The following SBF2 variants were observed in gnomAD, a reference collection of about 807,000 sequenced individuals.
The protein encoded by SBF2 is myotubularin-related protein 13.
Under a neutral mutation model 225.2 loss-of-function variants are expected in SBF2, and 112 were observed. The ratio of observed to expected loss-of-function variants is 0.50; its 90% CI spans 0.43 to 0.58. The LOEUF (loss-of-function observed/expected upper bound fraction) is 0.58. Among genes scored for constraint, SBF2 ranks in the 20% least tolerant of loss-of-function variants. The probability of loss-of-function intolerance (pLI) is 0.00; values close to 1 mark genes in which losing one functional copy is unlikely to be tolerated. For missense variants in SBF2, 1,996 were observed against 2,206.2 expected (o/e 0.90, Z 1.91); for synonymous variants, 763 against 773.3 (o/e 0.99, Z 0.22).
intron 28 of SBF2, 96 bp from the exon 29 acceptor site, chr11:9,817,120 G>C: frequency 7.5e-7 from 1 of 1,328,784 alleles, no homozygotes; most frequent in Middle Eastern, 2.5e-4. Flanking sequence ...CAGTTTTAGA[G>C]GTCATAGCAA....
chr11:10,067,025 C>T (rs1439593379), intron 2 of SBF2, among the ~76,000 whole-genome samples: 1 of 152,130 alleles, frequency 6.6e-6, no homozygotes, highest in African/African-American at 2.4e-5. Flanking sequence ...CACCTGTAAT[C>T]CCAGCATTTT....
intron 32 of SBF2, 131 bp downstream of exon 32, chr11:9,807,869 G>C: frequency 1.2e-6 from 1 of 852,044 alleles, no homozygotes; most frequent in Non-Finnish European, 1.9e-6. Flanking sequence ...TAAGATTTCA[G>C]CATGTCCTGT....
intron 36 of SBF2, among the ~76,000 whole-genome samples, chr11:9,785,618 T>C (rs1852321655): frequency 6.6e-6 from 1 of 152,132 alleles, no homozygotes; most frequent in Admixed American, 6.5e-5. Context: ...TCCTAGCACT[T>C]TGGGAGGCCG....
chr11:9,959,273 G>A (rs545909148), intron 16 of SBF2: 13 of 775,092 alleles, frequency 1.7e-5, no homozygotes, highest in South Asian at 1.3e-4. Flanking sequence ...GCCCGGTAAT[G>A]AGCCTCCACA....
At chr11:10,149,229 A>G (rs1046309051) in intron 2 of SBF2, 44 of 152,302 alleles carry the variant, frequency 2.9e-4, no homozygotes, top group African/African-American at 1.1e-3. Context: ...GGCTCAAGAA[A>G]GCCACACATC....
Position 9,810,014 on chromosome 11 carries a change from C to T in SBF2, c.4156-1012G>A, listed in dbSNP as rs150244246. Among the ~76,000 whole-genome samples the T allele has an allele frequency of 7.7e-3, 1,174 of 152,108 alleles. 13 individuals are homozygous for T. Among genetic ancestry groups the T allele is most frequent in the African/African-American group, 0.026 (1,071 of 41,484 alleles). On this transcript the variant is annotated intron_variant, in intron 30 of 39. Coordinates refer to ENST00000256190, the MANE Select transcript of SBF2 (RefSeq NM_030962.4). ...CTCCTGGCTGGGTGTGGTGGCTCAA[C>T]GCCTGTAATCCCAGCACTTTGGGAG...
chr11:9,886,525 C>T lies in SBF2; in HGVS notation c.1929+9418G>A, dbSNP rs1356155608. On this transcript the variant is annotated intron_variant, in intron 17 of 39. Coordinates refer to ENST00000256190, the MANE Select transcript of SBF2 (RefSeq NM_030962.4). ...CAGATCCACATAGAAGTCCAAGCTA[C>T]GGGTAGCCTGTAGTTCTTTGGTTTT... Among the ~76,000 whole-genome samples, 5 of 131,154 alleles carry T rather than the reference C, an allele frequency of 3.8e-5. No individual in the cohort carries two copies. The South Asian group carries it at 1.3e-3, about 33-fold the overall frequency. 86.0% of individuals were successfully genotyped at this position (131,154 alleles called of 152,430 possible). A position where few individuals can be genotyped will look rare whatever the true frequency, so the allele number is the denominator to read the frequency against.
intron 1 of SBF2, among the ~76,000 whole-genome samples, chr11:10,245,991 G>A (rs764825961): frequency 2.0e-5 from 3 of 152,156 alleles, no homozygotes; most frequent in African/African-American, 7.2e-5. Flanking sequence ...GAGAACTGGG[G>A]AGGTATTAGT....
intron 2 of SBF2, among the ~76,000 whole-genome samples, chr11:10,185,388 G>A (rs933934107): frequency 6.6e-6 from 1 of 152,148 alleles, no homozygotes; most frequent in African/African-American, 2.4e-5. Flanking sequence ...CCCACCAACA[G>A]TGCACAAGAG....
At chr11:9,939,028 T>A (rs146389644) in intron 16 of SBF2, among the ~76,000 whole-genome samples, 152 of 152,224 alleles carry the variant, frequency 1.0e-3, no homozygotes, top group Middle Eastern at 3.4e-3. Flanking sequence ...AAAGTATACA[T>A]AAGCAAGTCA....
intron 13 of SBF2, among the ~76,000 whole-genome samples, chr11:9,978,947 C>T (rs1024103538): frequency 3.3e-5 from 5 of 152,086 alleles, no homozygotes; most frequent in Non-Finnish European, 5.9e-5. Flanking sequence ...TGCAGTAAGC[C>T]GAGATTGTGC....
chr11:10,073,765 A>AT (rs1950985919), intron 2 of SBF2, among the ~76,000 whole-genome samples: 2 of 152,280 alleles, frequency 1.3e-5, no homozygotes, highest in East Asian at 3.9e-4. Flanking sequence ...TATCAACCAA[A>AT]TGCATATGTA....
At chr11:10,180,137 C>T (rs1956674276) in intron 2 of SBF2, among the ~76,000 whole-genome samples, 1 of 151,958 alleles carries the variant, frequency 6.6e-6, no homozygotes, top group African/African-American at 2.4e-5. Flanking sequence ...GAGGAGTTTA[C>T]ACATGACAGT....
intron 16 of SBF2, among the ~76,000 whole-genome samples, chr11:9,933,084 A>G (rs904091339): frequency 2.6e-5 from 4 of 152,056 alleles, no homozygotes; most frequent in East Asian, 1.9e-4. Flanking sequence ...AATGGTAAAC[A>G]GATCAATTCA....
chr11:10,121,956 G>A (rs1440347259), intron 2 of SBF2, among the ~76,000 whole-genome samples: 1 of 152,158 alleles, frequency 6.6e-6, no homozygotes, highest in African/African-American at 2.4e-5. Flanking sequence ...GATGACTGCT[G>A]AAGTATTACA....
At chr11:10,068,711 T>C (rs888913864) in intron 2 of SBF2, among the ~76,000 whole-genome samples, 1 of 151,024 alleles carries the variant, frequency 6.6e-6, no homozygotes, top group African/African-American at 2.4e-5. Flanking sequence ...TTATTACTAA[T>C]ATTATTACCG....
chr11:10,003,360 TTTTTC>T (rs1948053755), intron 6 of SBF2, among the ~76,000 whole-genome samples: 2 of 133,108 alleles, frequency 1.5e-5, no homozygotes, highest in Admixed American at 8.9e-5. Flanking sequence ...ATGCTTTTTC[TTTTTC>T]TTTTTTCTTT....
chr11:9,795,808 A>G, intron 33 of SBF2, 23 bp downstream of exon 33: 1 of 1,611,962 alleles, frequency 6.2e-7, no homozygotes, highest in Non-Finnish European at 8.5e-7. Context: ...AAAAAGATGA[A>G]ACAAGGGCAT....
chr11:9,816,671 A>AAT (rs1854473723), intron 29 of SBF2, among the ~76,000 whole-genome samples, 169 bp downstream of exon 29: 1 of 152,008 alleles, frequency 6.6e-6, no homozygotes, highest in East Asian at 1.9e-4. Context: ...TATAAAAATT[A>AAT]ATATATATAA....
Sources: allele counts gnomAD v4.1 joint callset (sites outside exome capture counted in the v4.1 genomes callset), GRCh38; gene constraint gnomAD v4.1.1; transcripts MANE v1.5; gene names NCBI Gene and HGNC (gene_info 2026-07-23, HGNC 2026-07-21).